DIAPH3: variants seen among roughly 807,000 people sequenced by gnomAD.
The protein encoded by DIAPH3 is protein diaphanous homolog 3.
A neutral mutation model predicts 144.3 loss-of-function variants in DIAPH3; 117 were observed. That is an observed-to-expected ratio of 0.81 (90% CI 0.70 to 0.95). DIAPH3 has a LOEUF of 0.95. Among genes scored for constraint, DIAPH3 ranks in the 40% least tolerant of loss-of-function variants. The pLI, the probability that DIAPH3 is intolerant of heterozygous loss-of-function variation, is 0.00. For missense variants in DIAPH3, 1,421 were observed against 1,412.7 expected (o/e 1.01, Z -0.09); for synonymous variants, 519 against 488.9 (o/e 1.06, Z -0.81).
At chr13:60,119,918 G>C (rs2058804179) in intron 2 of DIAPH3, among the ~76,000 whole-genome samples, 1 of 152,002 alleles carries the variant, frequency 6.6e-6, no homozygotes, top group South Asian at 2.1e-4. Context: ...ACTTGTTGAA[G>C]GTATGAATGA....
intron 4 of DIAPH3, among the ~76,000 whole-genome samples, chr13:60,061,405 A>C (rs938685230): frequency 1.5e-4 from 23 of 152,142 alleles, no homozygotes; most frequent in African/African-American, 5.3e-4. Context: ...GCTGTATGTT[A>C]GAAATACATT....
At chr13:59,914,682 G>A (rs2047146377) in intron 19 of DIAPH3, among the ~76,000 whole-genome samples, 1 of 152,168 alleles carries the variant, frequency 6.6e-6, no homozygotes, top group South Asian at 2.1e-4. Context: ...AGGAATGCAA[G>A]ATTGCTGGCT....
chr13:60,134,560 T>A (rs910965387), intron 1 of DIAPH3, among the ~76,000 whole-genome samples: 6 of 152,232 alleles, frequency 3.9e-5, no homozygotes, highest in African/African-American at 1.2e-4. Context: ...CAGCCTGTTG[T>A]ATGTGTGCCT....
chr13:59,789,812 A>G (rs1220438017), intron 25 of DIAPH3, among the ~76,000 whole-genome samples: 1 of 152,222 alleles, frequency 6.6e-6, no homozygotes, highest in African/African-American at 2.4e-5. Flanking sequence ...GAAATAATCA[A>G]AACTGTACTC....
intron 25 of DIAPH3, among the ~76,000 whole-genome samples, chr13:59,808,841 A>T (rs2040321078): frequency 6.6e-6 from 1 of 152,206 alleles, no homozygotes; most frequent in Non-Finnish European, 1.5e-5. Context: ...AGAAAAATTT[A>T]AAACTGAAAG....
intron 27 of DIAPH3, among the ~76,000 whole-genome samples, chr13:59,744,522 A>AT (rs4054915): frequency 0.49 from 74,085 of 150,744 alleles, 18,607 homozygotes; most frequent in Middle Eastern, 0.61. Flanking sequence ...TTTGTGTGTA[A>AT]TTTTTTTTTT....
At chr13:59,853,461 T>C (rs940636215) in intron 22 of DIAPH3, among the ~76,000 whole-genome samples, 8 of 151,924 alleles carry the variant, frequency 5.3e-5, no homozygotes, top group Non-Finnish European at 7.4e-5. Flanking sequence ...AGTGAGTGAG[T>C]TTTCACGAGA....
intron 4 of DIAPH3, among the ~76,000 whole-genome samples, chr13:60,066,502 A>G (rs2056972206): frequency 6.6e-6 from 1 of 152,244 alleles, no homozygotes; most frequent in Non-Finnish European, 1.5e-5. Flanking sequence ...AAATACTCCC[A>G]GATGGCTGAT....
At chr13:59,860,201 T>G (rs1018706294) in intron 22 of DIAPH3, among the ~76,000 whole-genome samples, 1 of 151,892 alleles carries the variant, frequency 6.6e-6, no homozygotes, top group East Asian at 1.9e-4. Context: ...TAAAATTAAT[T>G]TTTTTTAAAG....
chr13:59,762,618 T>C (rs2037660696), intron 27 of DIAPH3, among the ~76,000 whole-genome samples: 2 of 152,020 alleles, frequency 1.3e-5, no homozygotes, highest in South Asian at 4.2e-4. Context: ...GCCTATTGCC[T>C]CTTTTTTTTT....
chr13:59,708,645 G>A (rs529213990), intron 27 of DIAPH3, among the ~76,000 whole-genome samples: 1 of 152,174 alleles, frequency 6.6e-6, no homozygotes, highest in South Asian at 2.1e-4. Context: ...ATGTCCGTAT[G>A]TTCCAGGGCT....
At chr13:60,104,296 T>G (rs866143614) in intron 3 of DIAPH3, among the ~76,000 whole-genome samples, 3 of 152,166 alleles carry the variant, frequency 2.0e-5, no homozygotes, top group Admixed American at 2.0e-4. Flanking sequence ...ATTTAAAAGT[T>G]ATATTTTTTG....
chr13:59,800,776 A>C (rs1412193400), intron 25 of DIAPH3, among the ~76,000 whole-genome samples: 1 of 152,200 alleles, frequency 6.6e-6, no homozygotes, highest in African/African-American at 2.4e-5. Flanking sequence ...TCAAGTGTGA[A>C]CGGTATTTCC....
chr13:59,731,573 C>G (rs1462277152), intron 27 of DIAPH3, among the ~76,000 whole-genome samples: 1 of 152,106 alleles, frequency 6.6e-6, no homozygotes, highest in African/African-American at 2.4e-5. Context: ...GACATTTTGA[C>G]CTGTAAATTG....
intron 9 of DIAPH3, among the ~76,000 whole-genome samples, chr13:59,996,344 T>C (rs1008334523): frequency 6.6e-6 from 1 of 152,096 alleles, no homozygotes; most frequent in African/African-American, 2.4e-5. Flanking sequence ...AAGACACTTA[T>C]CTCTAGGTGT....
At chr13:59,941,620 C>T (rs1296057315) in intron 17 of DIAPH3, among the ~76,000 whole-genome samples, 5 of 152,108 alleles carry the variant, frequency 3.3e-5, no homozygotes, top group Non-Finnish European at 5.9e-5. Flanking sequence ...GACAAGTGTG[C>T]TTGTGACAAT....
chr13:59,756,611 C>T (rs2037291055), intron 27 of DIAPH3, among the ~76,000 whole-genome samples: 1 of 151,986 alleles, frequency 6.6e-6, no homozygotes, highest in African/African-American at 2.4e-5. Context: ...TGGAAGAGAA[C>T]TTAATTCATT....
At chr13:60,053,750 A>C (rs1013130174) in intron 4 of DIAPH3, among the ~76,000 whole-genome samples, 1 of 152,106 alleles carries the variant, frequency 6.6e-6, no homozygotes, top group Non-Finnish European at 1.5e-5. Context: ...AATACATTGA[A>C]TTTCTAGTTA....
intron 27 of DIAPH3, among the ~76,000 whole-genome samples, chr13:59,762,421 G>A (rs185373659): frequency 4.6e-5 from 7 of 151,420 alleles, no homozygotes; most frequent in African/African-American, 1.5e-4. Context: ...TATTTAATTG[G>A]AACAATGTTT....
Sources: gnomAD v4.1 joint callset for allele counts (sites outside exome capture counted in the v4.1 genomes callset) on GRCh38, gnomAD v4.1.1 for gene constraint, MANE v1.5 for transcripts, NCBI Gene and HGNC (gene_info 2026-07-23, HGNC 2026-07-21) for gene names.